ZNF362: variants seen among roughly 807,000 people sequenced by gnomAD.
The protein encoded by ZNF362 is rotund homolog.
A neutral mutation model predicts 42.9 loss-of-function variants in ZNF362; 11 were observed. That is an observed-to-expected ratio of 0.26 (90% confidence interval 0.16 to 0.42). ZNF362 has a LOEUF of 0.42. Ranked by LOEUF, ZNF362 falls within the 20% of genes least tolerant of loss-of-function variation. ZNF362 has a pLI of 1.00. For synonymous variants in ZNF362, 255 were observed against 257.3 expected (o/e 0.99, Z 0.09); for missense variants, 362 against 576.2 (o/e 0.63, Z 3.81).
At chr1:33,145,757 A>T in the ZNF362 span, 1 of 423,266 alleles carries the variant, frequency 2.4e-6, no homozygotes, top group African/African-American at 2.0e-5. Flanking sequence ...AAGGGGCAGG[A>T]CAACCCTAGA....
the ZNF362 span, among the ~76,000 whole-genome samples, chr1:33,132,720 C>T: frequency 2.0e-5 from 3 of 152,216 alleles, no homozygotes; most frequent in East Asian, 3.9e-4. Context: ...TTGTTATAAA[C>T]TCACCACCTG....
chr1:33,180,987 C>G, the ZNF362 span: 1 of 1,410,646 alleles, frequency 7.1e-7, no homozygotes, highest in Non-Finnish European at 9.6e-7. Flanking sequence ...ACCTCCAGCC[C>G]GGCCCCGCCC....
the ZNF362 span, among the ~76,000 whole-genome samples, chr1:33,222,852 G>T: frequency 3.9e-5 from 6 of 152,256 alleles, no homozygotes; most frequent in Admixed American, 3.9e-4. Context: ...ATTCCCATGT[G>T]TTGTGAGAGG....
At chr1:33,227,453 A>C in the ZNF362 span, among the ~76,000 whole-genome samples, 71 of 152,298 alleles carry the variant, frequency 4.7e-4, no homozygotes, top group African/African-American at 1.6e-3. Context: ...AGCCCAAGCC[A>C]TATATAAGCC....
intron 1 of ZNF362, among the ~76,000 whole-genome samples, chr1:33,268,985 C>T (rs192092247): frequency 1.3e-5 from 2 of 152,206 alleles, no homozygotes; most frequent in African/African-American, 4.8e-5. Context: ...CTGAAGGGGG[C>T]CTGGATCAGG....
At chr1:33,206,337 A>G in the ZNF362 span, among the ~76,000 whole-genome samples, 40 of 149,976 alleles carry the variant, frequency 2.7e-4, no homozygotes, top group Admixed American at 2.7e-3. Context: ...TTGGGCAAAG[A>G]TTTATTGGAC....
At chr1:33,158,595 C>A in the ZNF362 span, among the ~76,000 whole-genome samples, 1 of 152,204 alleles carries the variant, frequency 6.6e-6, no homozygotes, top group African/African-American at 2.4e-5. Context: ...GCCTTCTAGG[C>A]TTTTTGTGAG....
At chr1:33,176,529 T>C in the ZNF362 span, 1 of 647,770 alleles carries the variant, frequency 1.5e-6, no homozygotes, top group Non-Finnish European at 2.9e-6. Flanking sequence ...GGATCCCCTC[T>C]CTGGGGGTTA....
At chr1:33,256,257 G>GCCCCCCGCCCGGCCCCCT (rs1553177249), upstream of ZNF362, among the ~76,000 whole-genome samples, 8 of 138,204 alleles carry the variant, frequency 5.8e-5, no homozygotes, top group Non-Finnish European at 9.5e-5. Flanking sequence ...GCCCGCCCCC[G>GCCCCCCGCCCGGCCCCCT]CCCCCCGCCC....
the ZNF362 span, among the ~76,000 whole-genome samples, chr1:33,248,947 G>A: frequency 2.0e-5 from 3 of 152,260 alleles, no homozygotes; most frequent in East Asian, 3.9e-4. Context: ...CATTTGCTGA[G>A]CCCCCTCACC....
the ZNF362 span, among the ~76,000 whole-genome samples, chr1:33,208,604 G>T: frequency 5.3e-5 from 8 of 151,918 alleles, no homozygotes; most frequent in Non-Finnish European, 1.0e-4. Context: ...CTTTTATTTT[G>T]TTGAGCAGTG....
the ZNF362 span, among the ~76,000 whole-genome samples, chr1:33,221,719 T>C: frequency 0.031 from 4,653 of 152,310 alleles, 168 homozygotes; most frequent in Admixed American, 0.12. Flanking sequence ...TTCATTTCAC[T>C]AAGCTGGTGT....
chr1:33,180,966 C>G, the ZNF362 span: 6 of 855,070 alleles, frequency 7.0e-6, no homozygotes, highest in Non-Finnish European at 1.0e-5. Context: ...CCCCACCCCC[C>G]GCCCGGCCCC....
chr1:33,216,734 G>A, the ZNF362 span, among the ~76,000 whole-genome samples: 1 of 151,766 alleles, frequency 6.6e-6, no homozygotes, highest in African/African-American at 2.4e-5. Flanking sequence ...TAGAAGGCAG[G>A]AATATAATAA....
the ZNF362 span, among the ~76,000 whole-genome samples, chr1:33,158,008 G>A: frequency 2.0e-5 from 3 of 152,140 alleles, no homozygotes; most frequent in Non-Finnish European, 2.9e-5. Context: ...ACCCACCTCA[G>A]CCTCCCAAAG....
intron 6 of ZNF362, among the ~76,000 whole-genome samples, chr1:33,284,590 A>G (rs2148116225): frequency 6.6e-6 from 1 of 152,280 alleles, no homozygotes; most frequent in African/African-American, 2.4e-5. Flanking sequence ...TTTCATATCT[A>G]TGTTAGGTTT....
intron 8 of ZNF362, among the ~76,000 whole-genome samples, 170 bp from the exon 9 acceptor site, chr1:33,298,760 G>A (rs964358165): frequency 4.6e-5 from 7 of 152,230 alleles, no homozygotes; most frequent in African/African-American, 1.7e-4. Context: ...CAGCAGTGCA[G>A]TGTCTCTAGA....
chr1:33,222,032 C>G, the ZNF362 span, among the ~76,000 whole-genome samples: 3 of 152,132 alleles, frequency 2.0e-5, no homozygotes, highest in African/African-American at 7.2e-5. Context: ...TATGTGTGTT[C>G]TGAGGACAGT....
chr1:33,181,121 G>A, the ZNF362 span: 1 of 1,600,592 alleles, frequency 6.2e-7, no homozygotes, highest in Non-Finnish European at 8.5e-7. The surrounding 1 kb of genome is among the most constrained non-coding windows in gnomAD (Gnocchi z 6.5). Flanking sequence ...CGCGGTCCGT[G>A]AGGCAGAAGA....
Sources: allele counts gnomAD v4.1 joint callset (sites outside exome capture counted in the v4.1 genomes callset), GRCh38; gene constraint gnomAD v4.1.1; non-coding constraint Gnocchi (gnomAD v3.1); transcripts MANE v1.5; gene names NCBI Gene and HGNC (gene_info 2026-07-23, HGNC 2026-07-21).